The following NR5A2 variants were observed in gnomAD, a reference collection of about 807,000 sequenced individuals.
NR5A2 encodes the protein CYP7A promoter-binding factor.
NR5A2 carries 26 observed loss-of-function variants against 62.7 expected under a neutral mutation model. That is an observed-to-expected ratio of 0.41 (90% CI 0.30 to 0.58). NR5A2 has a LOEUF of 0.58. Among genes scored for constraint, NR5A2 ranks in the 20% least tolerant of loss-of-function variants. The pLI, the probability that NR5A2 is intolerant of heterozygous loss-of-function variation, is 0.22. For synonymous variants in NR5A2, 246 were observed against 241.7 expected, an observed-to-expected ratio of 1.02 and a Z score of -0.16; for missense variants, 541 against 669.1, an observed-to-expected ratio of 0.81 and a Z score of 2.11.
intron 5 of NR5A2, among the ~76,000 whole-genome samples, chr1:200,105,939 C>T (rs1468467988): frequency 6.6e-6 from 1 of 152,066 alleles, no homozygotes; most frequent in African/African-American, 2.4e-5. Flanking sequence ...AGTAAAATAA[C>T]AGCTCACTTG....
Position 200,027,953 on chromosome 1 carries a change from A to G in NR5A2, c.64+42A>G, listed in dbSNP as rs751242743. 1.4e-5 allele frequency: 18 copies of G among 1,307,070 alleles called. No individual in the cohort carries two copies. In the African/African-American group the frequency reaches 2.4e-4, roughly 17 times the overall value. 81.0% of individuals were successfully genotyped at this position (1,307,070 alleles called of 1,614,324 possible). On this transcript the variant is annotated intron_variant, in intron 1 of 7. Transcript: ENST00000367362. ...CTATTGATCATCTATTTATTCTGCT[A>G]CTACATACATATAATTTAATCTTGT...
intron 1 of NR5A2, among the ~76,000 whole-genome samples, chr1:200,037,633 T>C (rs1303205955): frequency 6.6e-6 from 1 of 152,234 alleles, no homozygotes. Flanking sequence ...GTAGTGACAG[T>C]GATACTTGAT....
At chr1:200,050,939 A>T (rs1662600310) in intron 5 of NR5A2, among the ~76,000 whole-genome samples, 1 of 152,196 alleles carries the variant, frequency 6.6e-6, no homozygotes, top group Admixed American at 6.6e-5. Flanking sequence ...TTGTTTTATG[A>T]AAAATGTGCA....
At chr1:200,037,752 T>G (rs1221358112) in intron 1 of NR5A2, among the ~76,000 whole-genome samples, 1 of 152,234 alleles carries the variant, frequency 6.6e-6, no homozygotes, top group Non-Finnish European at 1.5e-5. Flanking sequence ...AAGTTGCTAC[T>G]AAAGCTGAAG....
Position 200,066,808 on chromosome 1 carries a change from G to A in NR5A2, c.1110+17990G>A, listed in dbSNP as rs1000869835. ...TCACCATGTTGGTCAGGGTGATCTC[G>A]AACTTCTGACCTCCAGTGATCTGCC... On this transcript the variant is annotated intron_variant, in intron 5 of 7. Coordinates refer to ENST00000367362, the MANE Select transcript of NR5A2 (RefSeq NM_205860.3). Among the ~76,000 whole-genome samples the A allele has an allele frequency of 3.3e-5, 5 of 152,044 alleles. No homozygotes were observed. In the East Asian group the frequency reaches 5.8e-4, roughly 18 times the overall value.
chr1:200,104,100 G>A lies in NR5A2; in HGVS notation c.1111-7102G>A, dbSNP rs139782798. 2.5e-3 allele frequency among the ~76,000 whole-genome samples: 383 copies of A among 152,298 alleles called. 9 individuals carry two copies. Among genetic ancestry groups the A allele is most frequent in the Non-Finnish European group, 4.7e-4 (32 of 68,012 alleles). ...CATGGAAAGGGGCCAGCATAGCTCA[G>A]TTATCCAAGGAAGTGTTGATAGATA... is the stretch of plus-strand genomic sequence containing the variant. On this transcript the variant is annotated intron_variant, in intron 5 of 7. Coordinates refer to ENST00000367362, the MANE Select transcript of NR5A2 (RefSeq NM_205860.3).
rs528246852 is a variant in NR5A2 at position 200,125,659 on chromosome 1, G to T, written c.1378+4704G>T. On this transcript the variant is annotated intron_variant, in intron 7 of 7. Transcript: ENST00000367362. ...CAGGCATTCTGTAGTGTCTAGTCATGATTTCTTTATCTTAAAATAATTAAG... is the reference window on the plus strand; with the variant it reads ...CAGGCATTCTGTAGTGTCTAGTCATTATTTCTTTATCTTAAAATAATTAAG... 9.5e-4 allele frequency among the ~76,000 whole-genome samples: 144 copies of T among 152,228 alleles called. 9 individuals are homozygous for T. In the South Asian group the frequency reaches 0.029, roughly 31 times the overall value.
chr1:200,119,469 T>TA (rs1466331345), intron 6 of NR5A2, among the ~76,000 whole-genome samples: 1 of 152,234 alleles, frequency 6.6e-6, no homozygotes, highest in African/African-American at 2.4e-5. Flanking sequence ...AGCTCTCCAG[T>TA]AAAAAAAGGA....
At chr1:200,079,735 G>A (rs933976863) in intron 5 of NR5A2, among the ~76,000 whole-genome samples, 6 of 152,190 alleles carry the variant, frequency 3.9e-5, no homozygotes, top group South Asian at 2.1e-4. Flanking sequence ...GAATGGGACC[G>A]GTGCAAGCCC....
intron 7 of NR5A2, among the ~76,000 whole-genome samples, chr1:200,134,355 G>A (rs753548549): frequency 6.6e-6 from 1 of 152,110 alleles, no homozygotes; most frequent in Non-Finnish European, 1.5e-5. Context: ...TATGATAAGT[G>A]CTCCATACAG....
At chr1:200,061,574 G>A (rs899177685) in intron 5 of NR5A2, among the ~76,000 whole-genome samples, 1 of 152,088 alleles carries the variant, frequency 6.6e-6, no homozygotes, top group Non-Finnish European at 1.5e-5. Flanking sequence ...CACTGCGCCC[G>A]ACCCGGGATT....
intron 4 of NR5A2, among the ~76,000 whole-genome samples, chr1:200,047,769 G>A (rs1007936606): frequency 1.3e-5 from 2 of 151,980 alleles, no homozygotes; most frequent in Non-Finnish European, 2.9e-5. Flanking sequence ...GTAGAGATGG[G>A]GTTTCATCAT....
At chr1:200,104,017 G>T (rs1665522558) in intron 5 of NR5A2, among the ~76,000 whole-genome samples, 1 of 152,200 alleles carries the variant, frequency 6.6e-6, no homozygotes, top group African/African-American at 2.4e-5. Flanking sequence ...AGAAAAGAGA[G>T]AGTCCAGATC....
chr1:200,100,866 T>C (rs1180158997), intron 5 of NR5A2, among the ~76,000 whole-genome samples: 1 of 152,190 alleles, frequency 6.6e-6, no homozygotes, highest in Non-Finnish European at 1.5e-5. Context: ...ATCATGTCAG[T>C]AATGGGCTCT....
intron 6 of NR5A2, among the ~76,000 whole-genome samples, chr1:200,116,860 C>T (rs886635672): frequency 6.6e-6 from 1 of 152,094 alleles, no homozygotes; most frequent in Non-Finnish European, 1.5e-5. Context: ...TAATAATGTA[C>T]TTTGAAGTGG....
rs1665937937 is a variant in NR5A2, at chr1:200,111,336, C to CTAAAAAA, written c.1230+15_1230+16insTAAAAAA. The CTAAAAAA allele has an allele frequency of 1.7e-6, 2 of 1,159,016 alleles. No homozygotes were observed. The highest frequency in any genetic ancestry group is 3.5e-5 in the African/African-American group (2 of 57,220). 71.8% of individuals were successfully genotyped at this position (1,159,016 alleles called of 1,614,324 possible). On this transcript the variant is annotated intron_variant, in intron 6 of 7. Coordinates refer to ENST00000367362, the MANE Select transcript of NR5A2 (RefSeq NM_205860.3). ...CTGGGCAACAAGTGAGTGTAGAGAC[C>CTAAAAAA]AAAAAAAAAAAAAAAGCATCTTTTT... is the stretch of plus-strand genomic sequence containing the variant.
chr1:200,059,162 A>G (rs1336055307), intron 5 of NR5A2, among the ~76,000 whole-genome samples: 2 of 152,144 alleles, frequency 1.3e-5, no homozygotes, highest in African/African-American at 4.8e-5. Flanking sequence ...ACTGAAGACA[A>G]AATAATTCAG....
chr1:200,049,240 A>T (rs1165254380), intron 5 of NR5A2, among the ~76,000 whole-genome samples: 4 of 152,186 alleles, frequency 2.6e-5, no homozygotes, highest in African/African-American at 9.7e-5. Flanking sequence ...TGAAGGAAAA[A>T]ATGCCAACAT....
Position 200,048,170 on chromosome 1 carries a change from A to G in NR5A2, c.464-2A>G. The G allele has an allele frequency of 6.3e-7, 1 of 1,590,848 alleles. No individual in the cohort carries two copies. Among genetic ancestry groups the G allele is most frequent in the Non-Finnish European group, 8.6e-7 (1 of 1,166,470 alleles). ...TCCTTCCCCCCACCCCACCCCCAAC[A>G]GCTGTAAGGGCCGACCGAATGCGTG... is the stretch of plus-strand genomic sequence containing the variant. On this transcript the variant is annotated splice_acceptor_variant, in intron 4 of 7. Transcript: ENST00000367362. LOFTEE classifies it high-confidence loss of function. This position sits in a 1 kb window ranked among gnomAD's most constrained non-coding sequence, Gnocchi z 4.8.
Sources: gnomAD v4.1 joint callset for allele counts (sites outside exome capture counted in the v4.1 genomes callset) on GRCh38, gnomAD v4.1.1 for gene constraint, Gnocchi (gnomAD v3.1) non-coding constraint, MANE v1.5 for transcripts, NCBI Gene and HGNC (gene_info 2026-07-23, HGNC 2026-07-21) for gene names.